HEATR5B: variants seen among roughly 807,000 people sequenced by gnomAD.
HEATR5B encodes HEAT repeat-containing protein 5B.
In HEATR5B, 156 loss-of-function variants were observed where a neutral mutation model predicts 224.1. The ratio of observed to expected loss-of-function variants is 0.70; its 90% CI spans 0.61 to 0.80. HEATR5B has a LOEUF of 0.80. HEATR5B is among the 30% of genes least tolerant of loss of function. The probability of loss-of-function intolerance (pLI) is 0.00; values close to 1 mark genes in which losing one functional copy is unlikely to be tolerated. For synonymous variants in HEATR5B, 1,027 were observed against 893.0 expected (o/e 1.15, Z -2.68); for missense variants, 2,323 against 2,535.5 (o/e 0.92, Z 1.80).
At chr2:37,051,081 G>C (rs995811462) in intron 17 of HEATR5B, among the ~76,000 whole-genome samples, 1 of 150,356 alleles carries the variant, frequency 6.7e-6, no homozygotes, top group African/African-American at 2.5e-5. Flanking sequence ...GAGGTGGCCG[G>C]GTGCAGTGGC....
Position 37,058,588 on chromosome 2 carries a change from T to C in HEATR5B, c.1950-28A>G, listed in dbSNP as rs776415203. The C allele has an allele frequency of 1.7e-5, 24 of 1,436,016 alleles. No individual in the cohort carries two copies. The South Asian group carries it at 2.7e-4, about 16-fold the overall frequency. 89.0% of individuals were successfully genotyped at this position (1,436,016 alleles called of 1,614,324 possible). A position where few individuals can be genotyped will look rare whatever the true frequency, so the allele number is the denominator to read the frequency against. ...AAAATATCAAAAACATAGTTGGTAA[T>C]GGCTTACCAGAATAAGTATTACTTA... On this transcript the variant is annotated intron_variant, in intron 13 of 35. Transcript: ENST00000233099.
chr2:36,999,218 CAAAAAACA>C (rs963573948), intron 33 of HEATR5B, among the ~76,000 whole-genome samples: 12 of 151,620 alleles, frequency 7.9e-5, no homozygotes, highest in African/African-American at 2.4e-4. Context: ...GACGCCATCT[CAAAAAACA>C]AAAAAACAAA....
At chr2:37,002,865 G>C (rs1181579494) in intron 31 of HEATR5B, among the ~76,000 whole-genome samples, 1 of 152,066 alleles carries the variant, frequency 6.6e-6, no homozygotes, top group African/African-American at 2.4e-5. Flanking sequence ...ATTGACAAAA[G>C]GTGAAAAATA....
chr2:37,054,190 C>CTTTTTTTT lies in HEATR5B; in HGVS notation c.2400-584_2400-583insAAAAAAAA, dbSNP rs1242821499. Among the ~76,000 whole-genome samples the CTTTTTTTT allele has an allele frequency of 2.1e-5, 2 of 93,742 alleles. 1 individual carries two copies. 61.5% of individuals were successfully genotyped at this position (93,742 alleles called of 152,430 possible). A position where few individuals can be genotyped will look rare whatever the true frequency, so the allele number is the denominator to read the frequency against. On this transcript the variant is annotated intron_variant, in intron 16 of 35. Transcript: ENST00000233099. The stretch of plus-strand genomic sequence containing the variant: ...TCCATGGCCATCTTAGATGATTTCT[C>CTTTTTTTT]TGTTTTTTTTTTTTTTTTTTTGAGA...
At chr2:37,008,500 G>A (rs764353294) in intron 28 of HEATR5B, 111 bp downstream of exon 28, 2 of 763,206 alleles carry the variant, frequency 2.6e-6, no homozygotes. Context: ...TTAAGCCACA[G>A]AAATTTAAAC....
intron 35 of HEATR5B, among the ~76,000 whole-genome samples, chr2:36,984,215 A>AAAAAAAAAAAAATATATATATATAT: frequency 6.4e-5 from 5 of 77,636 alleles, no homozygotes; most frequent in Admixed American, 1.4e-4. Context: ...AAAAAAAAAA[A>AAAAAAAAAAAAATATATATATATAT]ATATATATAT....
chr2:36,992,972 A>G (rs1666437359), intron 33 of HEATR5B, among the ~76,000 whole-genome samples: 1 of 152,022 alleles, frequency 6.6e-6, no homozygotes, highest in South Asian at 2.1e-4. Context: ...CAACCCTCCC[A>G]CCTTGGCCTC....
chr2:37,034,384 C>A (rs1426113902), intron 21 of HEATR5B, among the ~76,000 whole-genome samples: 1 of 138,548 alleles, frequency 7.2e-6, no homozygotes, highest in South Asian at 2.5e-4. Flanking sequence ...GAGGCCGAGG[C>A]GGGCGGATCA....
intron 1 of HEATR5B, 23 bp from the exon 2 acceptor site, chr2:37,083,459 A>G: frequency 6.5e-7 from 1 of 1,537,824 alleles, no homozygotes; most frequent in Middle Eastern, 1.7e-4. Flanking sequence ...AGAGTAAAAA[A>G]TACTTGTAAG....
In HEATR5B at chr2:37,056,499, G is replaced by C; in HGVS notation, c.2340C>G (p.Val780=). Reference sequence around the variant, plus strand: ...CAAAAAGGGCCACAGAAGCATCAATGACTGAGACTCCGAGAGGGAGGGGAC... The same window carrying C: ...CAAAAAGGGCCACAGAAGCATCAATCACTGAGACTCCGAGAGGGAGGGGAC... ...VPGPLPLGVS[V]IDASVALFGV... The change falls in exon 16 of 36, where the codon GTC becomes GTG. Residue 780 remains valine, a synonymous_variant. Coordinates refer to ENST00000233099, the MANE Select transcript of HEATR5B (RefSeq NM_019024.3). The C allele has an allele frequency of 2.5e-6, 4 of 1,613,252 alleles. No homozygotes were observed. The highest frequency in any genetic ancestry group is 3.4e-6 in the Non-Finnish European group (4 of 1,179,508).
chr2:37,060,179 T>C (rs1034299617), intron 12 of HEATR5B, among the ~76,000 whole-genome samples: 1 of 152,204 alleles, frequency 6.6e-6, no homozygotes, highest in African/African-American at 2.4e-5. Context: ...AAAACAGCTG[T>C]TTCTCCATTA....
chr2:37,011,906 G>A (rs1022961808), intron 27 of HEATR5B, among the ~76,000 whole-genome samples: 2 of 152,094 alleles, frequency 1.3e-5, no homozygotes, highest in African/African-American at 2.4e-5. Context: ...GAATCACTGG[G>A]TCAGTGTTTA....
intron 2 of HEATR5B, among the ~76,000 whole-genome samples, chr2:37,081,367 A>C (rs1672557967): frequency 1.3e-5 from 2 of 152,160 alleles, no homozygotes; most frequent in Non-Finnish European, 2.9e-5. Flanking sequence ...TTTCTATAGA[A>C]ATTCCATTAA....
At chr2:37,055,046 A>C (rs753018428) in intron 16 of HEATR5B, 2 of 374,956 alleles carry the variant, frequency 5.3e-6, no homozygotes, top group Admixed American at 5.9e-5. Flanking sequence ...GCACATTTTG[A>C]TGTACTTTAA....
chr2:37,040,580 A>T, intron 19 of HEATR5B, 62 bp from the exon 20 acceptor site: 1 of 1,271,756 alleles, frequency 7.9e-7, no homozygotes, highest in South Asian at 1.4e-5. Flanking sequence ...TGAATTGAGT[A>T]TACTGAATTG....
intron 33 of HEATR5B, 48 bp downstream of exon 33, chr2:37,000,538 G>T: frequency 7.0e-7 from 1 of 1,438,798 alleles, no homozygotes. Context: ...TCATTACTTA[G>T]GGAACACATA....
At chr2:37,010,728 G>A (rs535546475) in intron 27 of HEATR5B, among the ~76,000 whole-genome samples, 1 of 151,910 alleles carries the variant, frequency 6.6e-6, no homozygotes, top group African/African-American at 2.4e-5. Flanking sequence ...TGGCCAGGCT[G>A]GTCTCAAACT....
intron 35 of HEATR5B, among the ~76,000 whole-genome samples, chr2:36,983,447 G>A (rs1384243649): frequency 4.6e-5 from 7 of 152,202 alleles, no homozygotes; most frequent in Non-Finnish European, 8.8e-5. Context: ...ACTGAGGCAG[G>A]AGAATCGCTT....
chr2:37,025,867 T>C (rs1668737642), intron 24 of HEATR5B, among the ~76,000 whole-genome samples: 1 of 152,224 alleles, frequency 6.6e-6, no homozygotes, highest in Non-Finnish European at 1.5e-5. Context: ...TTTACTTATT[T>C]ATTTATTTGG....
Sources: allele counts gnomAD v4.1 joint callset (sites outside exome capture counted in the v4.1 genomes callset), GRCh38; gene constraint gnomAD v4.1.1; transcripts MANE v1.5; gene names NCBI Gene and HGNC (gene_info 2026-07-23, HGNC 2026-07-21).